The following MLLT3 variants were observed in gnomAD, a reference collection of about 807,000 sequenced individuals.
MLLT3 encodes protein AF-9.
MLLT3 carries 4 observed loss-of-function variants against 53.2 expected under a neutral mutation model. The observed-to-expected ratio is 0.08, with a 90% CI of 0.04 to 0.17. The LOEUF is 0.17. Ranked by LOEUF, MLLT3 falls within the 10% of genes least tolerant of loss-of-function variation. The pLI is 1.00. For missense variants in MLLT3, 569 were observed against 684.0 expected (o/e 0.83, Z 1.87); for synonymous variants, 283 against 230.6 (o/e 1.23, Z -2.06).
chr9:20,413,178 C>G (rs1822775479), intron 5 of MLLT3, among the ~76,000 whole-genome samples: 1 of 152,128 alleles, frequency 6.6e-6, no homozygotes, highest in South Asian at 2.1e-4. Context: ...TAAAATTTAT[C>G]AAATTATACA....
chr9:20,551,929 C>T (rs7868755), intron 2 of MLLT3, among the ~76,000 whole-genome samples: 145,553 of 152,304 alleles, frequency 0.96, 69,589 homozygotes, highest in East Asian at 0.98. Context: ...CATCCCCCTA[C>T]GTGCACAAAC....
chr9:20,551,659 G>T (rs1450632832), intron 2 of MLLT3, among the ~76,000 whole-genome samples: 4 of 152,136 alleles, frequency 2.6e-5, no homozygotes, highest in Non-Finnish European at 5.9e-5. Flanking sequence ...CATTGATCAA[G>T]GTGACACAGT....
intron 4 of MLLT3, among the ~76,000 whole-genome samples, chr9:20,442,114 T>C (rs569095863): frequency 7.2e-5 from 11 of 152,208 alleles, no homozygotes; most frequent in African/African-American, 2.6e-4. Context: ...GAAATGAAAA[T>C]GGCTTTTTAA....
intron 2 of MLLT3, among the ~76,000 whole-genome samples, chr9:20,580,260 C>T (rs927516499): frequency 6.6e-6 from 1 of 151,966 alleles, no homozygotes; most frequent in African/African-American, 2.4e-5. Flanking sequence ...GGTTAAATCC[C>T]TTCTCTCCAT....
At position 20,480,216 on chromosome 9, in the gene MLLT3, C is replaced by T. The variant is rs141011120; in HGVS notation, c.194-23430G>A. On this transcript the variant is annotated intron_variant, in intron 2 of 10. Transcript: ENST00000380338. ...GAAAATCAAAAGTTTGCAGAAAGAA[C>T]GCATGCTGTCTTCTTGAGAGCCAAA... Among the ~76,000 whole-genome samples the T allele has an allele frequency of 2.1e-3, 314 of 152,284 alleles. 3 individuals are homozygous for T. Among genetic ancestry groups the T allele is most frequent in the African/African-American group, 6.9e-3 (287 of 41,568 alleles).
At chr9:20,572,293 G>C (rs915603164) in intron 2 of MLLT3, among the ~76,000 whole-genome samples, 1 of 152,060 alleles carries the variant, frequency 6.6e-6, no homozygotes, top group African/African-American at 2.4e-5. Context: ...AGATCAAATA[G>C]GAAGCTGACC....
chr9:20,539,913 A>C (rs1818583004), intron 2 of MLLT3, among the ~76,000 whole-genome samples: 2 of 152,222 alleles, frequency 1.3e-5, no homozygotes, highest in African/African-American at 4.8e-5. Flanking sequence ...ATAAAATCAA[A>C]AACAAATTAG....
intron 2 of MLLT3, among the ~76,000 whole-genome samples, chr9:20,545,187 GATAA>G (rs984981643): frequency 6.9e-6 from 1 of 144,950 alleles, no homozygotes; most frequent in African/African-American, 2.5e-5. Context: ...TTCATTGAAA[GATAA>G]ATAAACAAAA....
chr9:20,613,509 G>A (rs1475169167), intron 2 of MLLT3, among the ~76,000 whole-genome samples: 2 of 151,364 alleles, frequency 1.3e-5, no homozygotes, highest in Non-Finnish European at 2.9e-5. Flanking sequence ...AATCAAATAA[G>A]ATAATATGTA....
intron 2 of MLLT3, among the ~76,000 whole-genome samples, chr9:20,568,682 A>G (rs1819448582): frequency 6.6e-6 from 1 of 152,218 alleles, no homozygotes; most frequent in Admixed American, 6.5e-5. Flanking sequence ...AAATATCCCA[A>G]CAGAAAGTAA....
At chr9:20,615,662 T>C (rs1377387286) in intron 2 of MLLT3, among the ~76,000 whole-genome samples, 1 of 151,868 alleles carries the variant, frequency 6.6e-6, no homozygotes, top group Non-Finnish European at 1.5e-5. Flanking sequence ...AGAGTTAGGA[T>C]CTCAGGATCC....
chr9:20,611,987 T>C (rs1191101801), intron 2 of MLLT3, among the ~76,000 whole-genome samples: 1 of 152,180 alleles, frequency 6.6e-6, no homozygotes, highest in Non-Finnish European at 1.5e-5. Flanking sequence ...ATAGAGAATT[T>C]GATTTTGTCT....
intron 2 of MLLT3, among the ~76,000 whole-genome samples, chr9:20,581,865 C>T (rs1278162239): frequency 6.6e-6 from 1 of 152,152 alleles, no homozygotes; most frequent in Non-Finnish European, 1.5e-5. Flanking sequence ...GGCTCTATAT[C>T]ACTATTTAAG....
intron 10 of MLLT3, among the ~76,000 whole-genome samples, chr9:20,349,397 G>T (rs146660019): frequency 1.6e-3 from 246 of 152,142 alleles, no homozygotes; most frequent in African/African-American, 5.3e-3. Context: ...TATCTGGGAG[G>T]TGACTAAACT....
intron 5 of MLLT3, among the ~76,000 whole-genome samples, chr9:20,410,125 G>A (rs1484919906): frequency 6.6e-6 from 1 of 152,008 alleles, no homozygotes; most frequent in Non-Finnish European, 1.5e-5. Context: ...ACCTTGTGAC[G>A]ACAAAATTCA....
At chr9:20,545,100 A>C (rs1352770034) in intron 2 of MLLT3, among the ~76,000 whole-genome samples, 1 of 72,254 alleles carries the variant, frequency 1.4e-5, no homozygotes, top group Non-Finnish European at 3.3e-5. Flanking sequence ...TCTCTACAAA[A>C]AAAAAAAAAA....
At chr9:20,431,637 T>C (rs1289759596) in intron 4 of MLLT3, among the ~76,000 whole-genome samples, 2 of 152,066 alleles carry the variant, frequency 1.3e-5, no homozygotes, top group African/African-American at 4.8e-5. Flanking sequence ...GTCATAAAAG[T>C]CTGAAATCTA....
At chr9:20,376,954 C>T (rs3780829) in intron 5 of MLLT3, among the ~76,000 whole-genome samples, 26,932 of 152,130 alleles carry the variant, frequency 0.18, 5,940 homozygotes, top group African/African-American at 0.52. Context: ...TTCACATGTA[C>T]AGAAGTTGAA....
chr9:20,603,986 T>C (rs1406722130), intron 2 of MLLT3, among the ~76,000 whole-genome samples: 1 of 152,096 alleles, frequency 6.6e-6, no homozygotes, highest in African/African-American at 2.4e-5. Context: ...TTAAGAAGTA[T>C]TATTTTCAAA....
Sources: allele counts gnomAD v4.1 joint callset (sites outside exome capture counted in the v4.1 genomes callset), GRCh38; gene constraint gnomAD v4.1.1; transcripts MANE v1.5; gene names NCBI Gene and HGNC (gene_info 2026-07-23, HGNC 2026-07-21).